AKAP13: variants seen among roughly 807,000 people sequenced by gnomAD.
AKAP13 encodes the protein A-kinase anchoring protein 13.
AKAP13 carries 80 observed loss-of-function variants against 264.5 expected under a neutral mutation model. The observed-to-expected ratio is 0.30, with a 90% CI of 0.25 to 0.36. The LOEUF is 0.36. Ranked by LOEUF, AKAP13 falls within the 10% of genes least tolerant of loss-of-function variation. The pLI is 1.00. For missense variants in AKAP13, 3,712 were observed against 3,435.2 expected (o/e 1.08, Z -2.01); for synonymous variants, 1,380 against 1,250.2 (o/e 1.10, Z -2.19).
chr15:85,604,305 C>G (rs1279431459), intron 8 of AKAP13, among the ~76,000 whole-genome samples: 2 of 152,030 alleles, frequency 1.3e-5, no homozygotes, highest in African/African-American at 4.8e-5. Flanking sequence ...GGAGTTGCAG[C>G]TAAAAATTAG....
chr15:85,647,914 C>T (rs937786118), intron 10 of AKAP13, among the ~76,000 whole-genome samples: 19 of 151,986 alleles, frequency 1.3e-4, no homozygotes, highest in African/African-American at 2.2e-4. Context: ...GGCGACAGAG[C>T]GAGACTCCAT....
At chr15:85,552,222 C>T (rs965157686) in intron 5 of AKAP13, among the ~76,000 whole-genome samples, 12 of 152,206 alleles carry the variant, frequency 7.9e-5, no homozygotes, top group Non-Finnish European at 1.5e-4. Context: ...GCATTACCAA[C>T]TTCTAGATTG....
intron 5 of AKAP13, among the ~76,000 whole-genome samples, chr15:85,559,372 G>A (rs183429063): frequency 6.6e-5 from 10 of 152,060 alleles, no homozygotes; most frequent in Non-Finnish European, 1.0e-4. Flanking sequence ...TGGCACCAGG[G>A]ACTGGTTTTG....
At chr15:85,553,955 G>C (rs555584899) in intron 5 of AKAP13, among the ~76,000 whole-genome samples, 6 of 152,066 alleles carry the variant, frequency 3.9e-5, no homozygotes, top group African/African-American at 1.4e-4. Context: ...TCCATACCCC[G>C]CCCCCTCATC....
At chr15:85,385,273 C>T (rs1000949527) in intron 1 of AKAP13, among the ~76,000 whole-genome samples, 4 of 152,080 alleles carry the variant, frequency 2.6e-5, no homozygotes, top group African/African-American at 9.7e-5. Flanking sequence ...CTCTATTTGT[C>T]TCCCAAATAT....
intron 1 of AKAP13, among the ~76,000 whole-genome samples, chr15:85,421,976 T>A (rs75408544): frequency 5.9e-5 from 9 of 152,320 alleles, no homozygotes; most frequent in Non-Finnish European, 1.2e-4. Context: ...TGCCTGGCAC[T>A]TAAGTAGGTG....
intron 1 of AKAP13, among the ~76,000 whole-genome samples, chr15:85,410,387 C>T (rs2071903855): frequency 6.6e-6 from 1 of 151,660 alleles, no homozygotes. Flanking sequence ...TCTTCTGCTT[C>T]AGATTTCTCT....
chr15:85,652,821 C>T (rs1005623403), intron 10 of AKAP13, among the ~76,000 whole-genome samples: 16 of 152,184 alleles, frequency 1.1e-4, no homozygotes, highest in Admixed American at 7.2e-4. Flanking sequence ...TCTGCCTTCA[C>T]GTGGTATTCT....
intron 17 of AKAP13, among the ~76,000 whole-genome samples, chr15:85,698,195 C>T (rs891845816): frequency 4.6e-5 from 7 of 151,998 alleles, no homozygotes; most frequent in Admixed American, 3.9e-4. Flanking sequence ...GGGCCAGGCA[C>T]GGTGCCTCAT....
intron 1 of AKAP13, among the ~76,000 whole-genome samples, chr15:85,460,786 A>G (rs1480624188): frequency 1.3e-5 from 2 of 152,228 alleles, no homozygotes; most frequent in Non-Finnish European, 2.9e-5. Flanking sequence ...AAGGGGCTGC[A>G]TGCAGCCAAG....
intron 14 of AKAP13, among the ~76,000 whole-genome samples, chr15:85,681,719 A>G (rs1475076490): frequency 9.0e-6 from 1 of 110,672 alleles, no homozygotes; most frequent in African/African-American, 3.2e-5. Flanking sequence ...AATATTAGAG[A>G]TGAGCTAGAT....
intron 17 of AKAP13, among the ~76,000 whole-genome samples, chr15:85,697,292 C>A (rs987845535): frequency 6.6e-6 from 1 of 152,150 alleles, no homozygotes; most frequent in Non-Finnish European, 1.5e-5. Flanking sequence ...TAAAAGGGGC[C>A]GGGCGCAGTG....
chr15:85,607,067 CTT>C (rs34949863), intron 8 of AKAP13, among the ~76,000 whole-genome samples: 8 of 141,686 alleles, frequency 5.6e-5, no homozygotes, highest in Non-Finnish European at 7.7e-5. Flanking sequence ...TTCTTTTTTT[CTT>C]TTTTTTTTTT....
At chr15:85,687,931 T>G (rs915909140) in intron 16 of AKAP13, among the ~76,000 whole-genome samples, 3 of 151,062 alleles carry the variant, frequency 2.0e-5, no homozygotes, top group African/African-American at 7.3e-5. Flanking sequence ...TCCTAGCTAC[T>G]CAGGAGGCTG....
intron 5 of AKAP13, among the ~76,000 whole-genome samples, chr15:85,566,626 C>CTTTTTT (rs35129066): frequency 1.5e-5 from 2 of 135,292 alleles, no homozygotes; most frequent in Non-Finnish European, 1.6e-5. Context: ...AAATAACTTA[C>CTTTTTT]TTTTTTTTTT....
chr15:85,437,594 C>G (rs978368293), intron 1 of AKAP13, among the ~76,000 whole-genome samples: 9 of 152,076 alleles, frequency 5.9e-5, no homozygotes, highest in African/African-American at 2.2e-4. Context: ...AAAACGAATC[C>G]AGCAGCACAT....
chr15:85,523,920 G>T (rs563683526), intron 3 of AKAP13, among the ~76,000 whole-genome samples: 3 of 151,580 alleles, frequency 2.0e-5, no homozygotes, highest in African/African-American at 7.3e-5. Flanking sequence ...TAGCTGCATT[G>T]ATAGCCTCAG....
At chr15:85,438,719 A>T (rs1352826356) in intron 1 of AKAP13, among the ~76,000 whole-genome samples, 2 of 151,576 alleles carry the variant, frequency 1.3e-5, no homozygotes, top group African/African-American at 4.8e-5. Flanking sequence ...CAATGGGGAA[A>T]GGATTCCCTA....
In AKAP13 at chr15:85,426,960, T is replaced by G. The variant is rs558577482; in HGVS notation, c.-12+46162T>G. On this transcript the variant is annotated intron_variant, in intron 1 of 36. Coordinates refer to ENST00000394518, the MANE Select transcript of AKAP13 (RefSeq NM_007200.5). ...CCTTAGTATTGTTTTGTTTTGTTTT[T>G]TTTTTTTTTTTTGGGGACGGAGTCT... Among the ~76,000 whole-genome samples, 84 of 146,094 alleles carry G rather than the reference T, an allele frequency of 5.7e-4. 1 individual carries two copies. Among genetic ancestry groups the G allele is most frequent in the South Asian group, 1.9e-3 (9 of 4,636 alleles).
Sources: gnomAD v4.1 joint callset for allele counts (sites outside exome capture counted in the v4.1 genomes callset) on GRCh38, gnomAD v4.1.1 for gene constraint, MANE v1.5 for transcripts, NCBI Gene and HGNC (gene_info 2026-07-23, HGNC 2026-07-21) for gene names.